Variants in GNPNAT1 observed in about 807,000 individuals in gnomAD.
The protein encoded by GNPNAT1 is glucosamine 6-phosphate N-acetyltransferase.
In GNPNAT1, 11 loss-of-function variants were observed where a neutral mutation model predicts 19.8. That is an observed-to-expected ratio of 0.56 (90% CI 0.35 to 0.92). The LOEUF (loss-of-function observed/expected upper bound fraction) is 0.92. GNPNAT1 is among the 40% of genes least tolerant of loss of function. GNPNAT1 has a pLI of 0.01. For missense variants in GNPNAT1, 157 were observed against 211.0 expected, an observed-to-expected ratio of 0.74 and a Z score of 1.59; for synonymous variants, 71 against 72.3, an observed-to-expected ratio of 0.98 and a Z score of 0.09.
At chr14:52,790,535 C>T (rs1368695771) in intron 1 of GNPNAT1, among the ~76,000 whole-genome samples, 1 of 152,106 alleles carries the variant, frequency 6.6e-6, no homozygotes, top group African/African-American at 2.4e-5. Context: ...CCCAGTCTAC[C>T]GATGAGGAAG....
Position 52,778,303 on chromosome 14 carries a change from C to G in GNPNAT1, c.*8G>C. ...ATTAGCCCCTTTGACAATTTTCTTA[C>G]AAGATTTTTACTTTAGAAACCTCCG... is the stretch of plus-strand genomic sequence containing the variant. On this transcript the variant is annotated 3_prime_UTR_variant, in exon 6 of 6. Coordinates refer to ENST00000216410, the MANE Select transcript of GNPNAT1 (RefSeq NM_198066.4). The G allele has an allele frequency of 6.4e-7, 1 of 1,574,288 alleles. No individual in the cohort carries two copies. Among genetic ancestry groups the G allele is most frequent in the Non-Finnish European group, 8.6e-7 (1 of 1,166,520 alleles).
At chr14:52,779,576 T>G (rs901038378) in intron 5 of GNPNAT1, among the ~76,000 whole-genome samples, 1 of 151,770 alleles carries the variant, frequency 6.6e-6, no homozygotes, top group South Asian at 2.1e-4. Context: ...AAAAATTAGC[T>G]GGGTGCAGCG....
At chr14:52,782,026 A>T in intron 3 of GNPNAT1, 115 bp from the exon 4 acceptor site, 1 of 870,998 alleles carries the variant, frequency 1.1e-6, no homozygotes, top group African/African-American at 1.8e-5. Context: ...GTTTTACCAT[A>T]GTAATTTACC....
intron 1 of GNPNAT1, among the ~76,000 whole-genome samples, chr14:52,786,661 T>C (rs1883025878): frequency 6.6e-6 from 1 of 152,104 alleles, no homozygotes; most frequent in Non-Finnish European, 1.5e-5. Flanking sequence ...CTAGTTGTAA[T>C]GTTTTAAAAC....
At chr14:52,783,514 C>G in intron 2 of GNPNAT1, 29 bp from the exon 3 acceptor site, 2 of 1,424,304 alleles carry the variant, frequency 1.4e-6, no homozygotes, top group Non-Finnish European at 2.0e-6. Context: ...TTTCAAATTA[C>G]GAGAATAGCA....
chr14:52,780,846 G>A lies in GNPNAT1; in HGVS notation c.346-106C>T, dbSNP rs868050554. On this transcript the variant is annotated intron_variant, in intron 4 of 5. Transcript: ENST00000216410. ...AATAAGTAGTATATTTTGTAAACTTGAACTTAACAGAAATCAAATGCAAAA... is the reference window on the plus strand; with the variant it reads ...AATAAGTAGTATATTTTGTAAACTTAAACTTAACAGAAATCAAATGCAAAA... The A allele has an allele frequency of 5.7e-5, 37 of 654,836 alleles. 1 individual carries two copies. The Middle Eastern group carries it at 3.1e-3, about 56-fold the overall frequency. 40.6% of individuals were successfully genotyped at this position (654,836 alleles called of 1,614,324 possible).
rs568832173 is a variant in GNPNAT1, at chr14:52,777,534, T to C, written c.*777A>G. 7 of 152,220 alleles carry C rather than the reference T, an allele frequency of 4.6e-5. No individual in the cohort carries two copies. In the East Asian group the frequency reaches 1.4e-3, roughly 29 times the overall value. The allele number at this position is 152,220 out of a possible 1,614,324, so 9.4% of individuals were successfully genotyped here. A position where few individuals can be genotyped will look rare whatever the true frequency, so the allele number is the denominator to read the frequency against. ...ACCCATGAAAAGAAAAAAATCAGGG[T>C]AGAAACACATAGGCTGAGGTTTGCT... On this transcript the variant is annotated 3_prime_UTR_variant, in exon 6 of 6. Transcript: ENST00000216410.
intron 1 of GNPNAT1, among the ~76,000 whole-genome samples, chr14:52,785,156 G>A (rs1882985175): frequency 6.6e-6 from 1 of 151,606 alleles, no homozygotes; most frequent in Non-Finnish European, 1.5e-5. Context: ...TCAAACTCCC[G>A]ACCTCAGGTG....
Position 52,791,011 on chromosome 14 carries a change from G to A in GNPNAT1, c.-15+417C>T, listed in dbSNP as rs1251621621. On this transcript the variant is annotated intron_variant, in intron 1 of 5. Transcript: ENST00000216410. This position sits in a 1 kb window ranked among gnomAD's most constrained non-coding sequence, Gnocchi z 4.1. ...TGCCTCAATGGCTCCGACCACCGTGGGATGCGCCCGGGAATGGGAGAAGAG... is the reference window on the plus strand; with the variant it reads ...TGCCTCAATGGCTCCGACCACCGTGAGATGCGCCCGGGAATGGGAGAAGAG... Among the ~76,000 whole-genome samples the A allele has an allele frequency of 6.6e-6, 1 of 152,148 alleles. No individual in the cohort carries two copies. The highest frequency in any genetic ancestry group is 1.5e-5 in the Non-Finnish European group (1 of 68,026).
intron 1 of GNPNAT1, among the ~76,000 whole-genome samples, chr14:52,788,137 T>C (rs1883065670): frequency 6.6e-6 from 1 of 151,582 alleles, no homozygotes; most frequent in Non-Finnish European, 1.5e-5. Context: ...TTTTATTGTT[T>C]TGAGACAGGG....
In GNPNAT1 at chr14:52,777,074, T is replaced by C. The variant is rs1207796321; in HGVS notation, c.*1237A>G. The C allele has an allele frequency of 6.6e-6, 1 of 152,272 alleles. No homozygotes were observed. The highest frequency in any genetic ancestry group is 1.9e-4 in the East Asian group (1 of 5,200). The allele number at this position is 152,272 out of a possible 1,614,324, so 9.4% of individuals were successfully genotyped here. On this transcript the variant is annotated 3_prime_UTR_variant, in exon 6 of 6. Transcript: ENST00000216410. ...TTTTGGAAAGCCAACTATAGCTGGC[T>C]GCATGGAGGGAAATCCAAAATCCAG...
At chr14:52,779,736 A>C (rs910582622) in intron 5 of GNPNAT1, among the ~76,000 whole-genome samples, 11 of 150,256 alleles carry the variant, frequency 7.3e-5, no homozygotes, top group Non-Finnish European at 1.5e-4. Flanking sequence ...AAAAAAAAAA[A>C]AAAAAAAAAA....
chr14:52,780,050 T>A (rs1457193145), intron 5 of GNPNAT1, among the ~76,000 whole-genome samples: 1 of 151,934 alleles, frequency 6.6e-6, no homozygotes, highest in Non-Finnish European at 1.5e-5. Flanking sequence ...GTACCTGTAG[T>A]CCCAGCTAAT....
intron 5 of GNPNAT1, 76 bp from the exon 6 acceptor site, chr14:52,778,534 A>C: frequency 7.8e-7 from 1 of 1,285,920 alleles, no homozygotes; most frequent in Admixed American, 2.4e-5. Flanking sequence ...AATATGAATT[A>C]ATGTTATAAA....
chr14:52,783,567 G>T, intron 2 of GNPNAT1, 82 bp from the exon 3 acceptor site: 1 of 829,034 alleles, frequency 1.2e-6, no homozygotes, highest in Non-Finnish European at 2.0e-6. Context: ...TAAGCAGGTG[G>T]GCTTACAGGC....
chr14:52,784,731 G>T, intron 1 of GNPNAT1, 67 bp from the exon 2 acceptor site: 1 of 671,606 alleles, frequency 1.5e-6, no homozygotes, highest in Non-Finnish European at 2.4e-6. Flanking sequence ...TGTTGAGAAA[G>T]TTAATATAAA....
At chr14:52,779,380 G>A (rs1882822951) in intron 5 of GNPNAT1, among the ~76,000 whole-genome samples, 1 of 151,924 alleles carries the variant, frequency 6.6e-6, no homozygotes, top group South Asian at 2.1e-4. Context: ...AACTTGAAGG[G>A]TCTGCCCATG....
At position 52,783,444 on chromosome 14, in the gene GNPNAT1, C is replaced by A. The variant is rs1282868453; in HGVS notation, c.196G>T (p.Val66Phe). The change falls in exon 3 of 6, where the codon GTC becomes TTC. Residue 66 changes from valine to phenylalanine, a missense_variant. Val to Phe is a conservative substitution (Grantham distance 50). Coordinates refer to ENST00000216410, the MANE Select transcript of GNPNAT1 (RefSeq NM_198066.4). ...VLGQLTETGV[V>F]SPEQFMKSFE... ...TTACTCATAAATTGTTCAGGGCTGA[C>A]AACTCCAGTCTCTGTTAGCTGACCC... The A allele has an allele frequency of 2.9e-5, 47 of 1,610,188 alleles. No individual in the cohort carries two copies. The highest frequency in any genetic ancestry group is 3.9e-5 in the Non-Finnish European group (46 of 1,176,930).
rs949745071 is a variant in GNPNAT1, at chr14:52,775,686, G to A, written c.*2625C>T. 6.6e-6 allele frequency: 1 copy of A among 152,092 alleles called. No individual in the cohort carries two copies. The highest frequency in any genetic ancestry group is 1.5e-5 in the Non-Finnish European group (1 of 68,076). 9.4% of individuals were successfully genotyped at this position (152,092 alleles called of 1,614,324 possible). ...GGCAGAGGATCACTTGAGCTCAGGA[G>A]TTTGAGACCGGCTTGGGCAATATAG... On this transcript the variant is annotated 3_prime_UTR_variant, in exon 6 of 6. Transcript: ENST00000216410.
Sources: allele counts gnomAD v4.1 joint callset (sites outside exome capture counted in the v4.1 genomes callset), GRCh38; gene constraint gnomAD v4.1.1; non-coding constraint Gnocchi (gnomAD v3.1); transcripts MANE v1.5; gene names NCBI Gene and HGNC (gene_info 2026-07-23, HGNC 2026-07-21).